RIPK1: variants seen among roughly 807,000 people sequenced by gnomAD.
The protein encoded by RIPK1 is receptor-interacting serine/threonine-protein kinase 1.
A neutral mutation model predicts 62.4 loss-of-function variants in RIPK1; 27 were observed. That is an observed-to-expected ratio of 0.43 (90% CI 0.32 to 0.60). RIPK1 has a LOEUF of 0.60. RIPK1 is among the 20% of genes least tolerant of loss of function. RIPK1 has a pLI of 0.07. For missense variants in RIPK1, 735 were observed against 831.0 expected, an observed-to-expected ratio of 0.88 and a Z score of 1.42; for synonymous variants, 287 against 303.2, an observed-to-expected ratio of 0.95 and a Z score of 0.55.
chr6:3,071,275 T>A (rs191173179), intron 1 of RIPK1, among the ~76,000 whole-genome samples: 15 of 152,248 alleles, frequency 9.9e-5, no homozygotes, highest in Admixed American at 9.2e-4. Flanking sequence ...CATAGAAAAA[T>A]GGGGAAAAAG....
intron 7 of RIPK1, among the ~76,000 whole-genome samples, chr6:3,089,967 A>G (rs958846610): frequency 2.0e-5 from 3 of 152,224 alleles, no homozygotes; most frequent in Non-Finnish European, 2.9e-5. Context: ...AGATAGAAAG[A>G]CCACAGAATT....
intron 1 of RIPK1, among the ~76,000 whole-genome samples, chr6:3,073,506 G>A (rs908330808): frequency 9.9e-5 from 15 of 152,184 alleles, no homozygotes; most frequent in African/African-American, 1.4e-4. Context: ...TACCTCACGC[G>A]TGTGCCTCAC....
chr6:3,078,117 C>T (rs969363042), intron 3 of RIPK1, among the ~76,000 whole-genome samples, 182 bp downstream of exon 3: 3 of 152,134 alleles, frequency 2.0e-5, no homozygotes, highest in African/African-American at 7.2e-5. Context: ...AGGCTGAACT[C>T]CAACACCTGG....
chr6:3,077,023 G>A (rs757118238), intron 2 of RIPK1, 36 bp downstream of exon 2: 2 of 1,555,406 alleles, frequency 1.3e-6, no homozygotes, highest in Non-Finnish European at 1.7e-6. Context: ...GCTAAGTTCT[G>A]AGCGGGATGG....
At chr6:3,075,839 C>CTT (rs10602513) in intron 1 of RIPK1, among the ~76,000 whole-genome samples, 1 of 147,214 alleles carries the variant, frequency 6.8e-6, no homozygotes. Flanking sequence ...TTTGCACAAA[C>CTT]TTTTTTTTTT....
At chr6:3,064,236 G>C (rs1758280953), upstream of RIPK1, among the ~76,000 whole-genome samples, 2 of 152,066 alleles carry the variant, frequency 1.3e-5, no homozygotes, top group South Asian at 4.1e-4. Flanking sequence ...CCCCTGCAGC[G>C]CGCAGCCGGT....
At chr6:3,078,995 CT>C (rs1759239189) in intron 3 of RIPK1, among the ~76,000 whole-genome samples, 1 of 151,794 alleles carries the variant, frequency 6.6e-6, no homozygotes, top group Non-Finnish European at 1.5e-5. Flanking sequence ...GCACTGCAGG[CT>C]TGAACTCCTG....
chr6:3,097,445 C>T (rs1760375585), intron 7 of RIPK1, among the ~76,000 whole-genome samples: 1 of 152,132 alleles, frequency 6.6e-6, no homozygotes. Context: ...CTACACATAC[C>T]TAGAAACTTG....
rs10526418 is a variant in RIPK1, at chr6:3,076,699, C to CATATATATATATATATAT, written c.-60-55_-60-38dup. 3.6e-3 allele frequency: 778 copies of CATATATATATATATATAT among 217,444 alleles called. 21 individuals carry two copies. Among genetic ancestry groups the CATATATATATATATATAT allele is most frequent in the African/African-American group, 0.016 (375 of 24,070 alleles). The allele number at this position is 217,444 out of a possible 1,614,324, so 13.5% of individuals were successfully genotyped here. On this transcript the variant is annotated intron_variant, in intron 1 of 10. Coordinates refer to ENST00000259808, the MANE Select transcript of RIPK1 (RefSeq NM_001354930.2). The stretch of plus-strand genomic sequence containing the variant: ...TGTCTCCAAAGGAGAAAAAAAAAAA[C>CATATATATATATATATAT]ATATATATATATATATATATATATA...
intron 10 of RIPK1, among the ~76,000 whole-genome samples, chr6:3,111,995 G>A (rs1475601168): frequency 6.6e-6 from 1 of 152,226 alleles, no homozygotes; most frequent in African/African-American, 2.4e-5. Context: ...TAATGAGGTA[G>A]TGTGGGGATT....
chr6:3,068,688 A>C (rs960756561), intron 1 of RIPK1, 27 bp downstream of exon 1: 190 of 984,462 alleles, frequency 1.9e-4, no homozygotes, highest in Non-Finnish European at 2.0e-4. Flanking sequence ...CGCGCGGGGA[A>C]CATTCCGGAG....
At chr6:3,076,722 A>G (rs1190534639) in intron 1 of RIPK1, 42 bp from the exon 2 acceptor site, 1 of 586,638 alleles carries the variant, frequency 1.7e-6, no homozygotes, top group Non-Finnish European at 2.7e-6. Flanking sequence ...ATATATATAT[A>G]TATAGTCTTG....
At chr6:3,070,866 T>C (rs1381167210) in intron 1 of RIPK1, among the ~76,000 whole-genome samples, 2 of 152,256 alleles carry the variant, frequency 1.3e-5, no homozygotes, top group African/African-American at 2.4e-5. Flanking sequence ...ATTTGCTATC[T>C]AGAGAAGTAG....
chr6:3,069,333 A>T (rs2113534964), intron 1 of RIPK1, among the ~76,000 whole-genome samples: 1 of 152,326 alleles, frequency 6.6e-6, no homozygotes, highest in Admixed American at 6.5e-5. Flanking sequence ...CGAATGTGGT[A>T]ACCCTAGCAG....
rs1554112911 is a variant in RIPK1 at position 3,072,391 on chromosome 6, A to ATATATG, written c.-61+3735_-61+3736insGTATAT. On this transcript the variant is annotated intron_variant, in intron 1 of 10. Coordinates refer to ENST00000259808, the MANE Select transcript of RIPK1 (RefSeq NM_001354930.2). The surrounding 1 kb of genome is among the most constrained non-coding windows in gnomAD (Gnocchi z 5.6). ...TGTACTTATATCTTTATCTATTTAC[A>ATATATG]TATATATATATATAAAACACACACA... is the stretch of plus-strand genomic sequence containing the variant. Among the ~76,000 whole-genome samples, 1 of 14,814 alleles carries ATATATG rather than the reference A, an allele frequency of 6.8e-5. No homozygotes were observed. Among genetic ancestry groups the ATATATG allele is most frequent in the Admixed American group, 5.1e-4 (1 of 1,968 alleles). 9.7% of individuals were successfully genotyped at this position (14,814 alleles called of 152,430 possible). A position where few individuals can be genotyped will look rare whatever the true frequency, so the allele number is the denominator to read the frequency against.
Position 3,110,830 on chromosome 6 carries a change from A to T in RIPK1, c.1604A>T (p.Asn535Ile). 6.3e-7 allele frequency: 1 copy of T among 1,587,530 alleles called. No individual in the cohort carries two copies. The highest frequency in any genetic ancestry group is 1.1e-5 in the South Asian group (1 of 90,480). The change falls in exon 10 of 11, where the codon AAT becomes ATT. Residue 535 changes from asparagine (N) to isoleucine (I), a missense_variant. This residue lies in a region of RIPK1 where 671 missense variants were observed against 726.2 expected (regional missense o/e 0.92). Transcript: ENST00000259808. ...TDESIKYTIY[N>I]STGIQIGAYN... ...GAATCTATAAAATATACCATATACA[A>T]TAGTACTGGCATTCAGATTGGAGCC...
chr6:3,085,548 C>T, intron 6 of RIPK1, 140 bp downstream of exon 6: 4 of 875,538 alleles, frequency 4.6e-6, no homozygotes, highest in Non-Finnish European at 5.2e-6. Context: ...TTCTAGATTT[C>T]AAACATGTTA....
rs1005065915 is a variant in RIPK1, at chr6:3,102,414, C to T, written c.916-1811C>T. Among the ~76,000 whole-genome samples, 7 of 152,146 alleles carry T rather than the reference C, an allele frequency of 4.6e-5. No homozygotes were observed. In the East Asian group the frequency reaches 5.8e-4, roughly 13 times the overall value. On this transcript the variant is annotated intron_variant, in intron 7 of 10. Transcript: ENST00000259808. ...TGTTTAGACTTAGGTCCTCTCCCCA[C>T]GATCTGTCATTCTGTACATGCAAAT...
chr6:3,081,860 TAAAAAAAAAAAAAAAAAAAAAAA>T (rs58330257), intron 4 of RIPK1, among the ~76,000 whole-genome samples: 397 of 22,868 alleles, frequency 0.017, 8 homozygotes, highest in African/African-American at 0.038. Flanking sequence ...AACTCTGCCT[TAAAAAAAAAAAAAAAAAAAAAAA>T]AAAAAAAAAA....
Sources: gnomAD v4.1 joint callset for allele counts (sites outside exome capture counted in the v4.1 genomes callset) on GRCh38, gnomAD v4.1.1 for gene constraint, gnomAD v4.1.1 regional missense constraint, Gnocchi (gnomAD v3.1) non-coding constraint, MANE v1.5 for transcripts, NCBI Gene and HGNC (gene_info 2026-07-23, HGNC 2026-07-21) for gene names.